Variants in CSMD1 observed in about 807,000 individuals in gnomAD.
CSMD1 encodes CUB and sushi domain-containing protein 1.
In CSMD1, 213 loss-of-function variants were observed where a neutral mutation model predicts 417.5. The ratio of observed to expected loss-of-function variants is 0.51; its 90% CI spans 0.46 to 0.57. The LOEUF (loss-of-function observed/expected upper bound fraction) is 0.57. CSMD1 is among the 20% of genes least tolerant of loss of function. The probability of loss-of-function intolerance (pLI) is 0.00; values close to 1 mark genes in which losing one functional copy is unlikely to be tolerated. For synonymous variants in CSMD1, 2,862 were observed against 1,736.8 expected, an observed-to-expected ratio of 1.65 and a Z score of -16.11; for missense variants, 6,923 against 4,529.7, an observed-to-expected ratio of 1.53 and a Z score of -15.17.
At chr8:3,243,409 C>A (rs1254826382) in intron 26 of CSMD1, among the ~76,000 whole-genome samples, 1 of 148,770 alleles carries the variant, frequency 6.7e-6, no homozygotes, top group Non-Finnish European at 1.5e-5. Flanking sequence ...TGGGCTGAGT[C>A]CGAAAAGAGA....
chr8:3,018,429 C>G (rs765129806), intron 52 of CSMD1, 48 bp downstream of exon 52: 6 of 1,563,670 alleles, frequency 3.8e-6, no homozygotes, highest in Non-Finnish European at 5.3e-6. Flanking sequence ...TAATCTATTT[C>G]TAAGGTTTAT....
intron 3 of CSMD1, among the ~76,000 whole-genome samples, chr8:4,312,370 G>T (rs966848902): frequency 3.9e-5 from 4 of 101,560 alleles, no homozygotes; most frequent in African/African-American, 2.0e-4. Context: ...TACTTTTAAT[G>T]GAACAAATAT....
At chr8:3,981,258 T>A (rs1813838548) in intron 5 of CSMD1, among the ~76,000 whole-genome samples, 1 of 151,980 alleles carries the variant, frequency 6.6e-6, no homozygotes, top group Admixed American at 6.6e-5. Context: ...AAACCAAACA[T>A]CGTATGTACT....
intron 10 of CSMD1, among the ~76,000 whole-genome samples, chr8:3,496,046 G>A (rs1236934673): frequency 1.3e-5 from 2 of 152,094 alleles, no homozygotes; most frequent in Non-Finnish European, 2.9e-5. Context: ...TCTTTTCCCT[G>A]AAGCTTTCCC....
At chr8:3,524,022 C>A (rs1797639667) in intron 10 of CSMD1, among the ~76,000 whole-genome samples, 1 of 121,504 alleles carries the variant, frequency 8.2e-6, no homozygotes, top group African/African-American at 4.0e-5. Context: ...TGCACGTGCA[C>A]ACACACACAC....
intron 2 of CSMD1, among the ~76,000 whole-genome samples, chr8:4,613,825 G>C (rs955017279): frequency 6.8e-6 from 1 of 147,080 alleles, no homozygotes; most frequent in Non-Finnish European, 1.5e-5. Context: ...GTTCAATGAT[G>C]GTGTTATTTT....
In CSMD1 at chr8:4,630,905, G is replaced by A. The variant is rs538757703; in HGVS notation, c.302+6437C>T. Among the ~76,000 whole-genome samples the A allele has an allele frequency of 6.6e-5, 10 of 152,272 alleles. 1 individual carries two copies. The East Asian group carries it at 1.2e-3, about 18-fold the overall frequency. On this transcript the variant is annotated intron_variant, in intron 2 of 69. Coordinates refer to ENST00000635120, the MANE Select transcript of CSMD1 (RefSeq NM_033225.6). ...TCACCCTGTGCTGGTCATATTTGCT[G>A]GTCACTGTCCCAGTCCTGACTGCAC...
chr8:4,441,716 C>T (rs980523432), intron 2 of CSMD1, among the ~76,000 whole-genome samples: 4 of 151,974 alleles, frequency 2.6e-5, no homozygotes, highest in African/African-American at 9.7e-5. Flanking sequence ...GTTTGAGGTA[C>T]AGGAGATAAA....
At chr8:4,398,737 G>A (rs35567863) in intron 3 of CSMD1, among the ~76,000 whole-genome samples, 1 of 152,008 alleles carries the variant, frequency 6.6e-6, no homozygotes, top group South Asian at 2.1e-4. Context: ...AATGCTAACA[G>A]ATTTATCAAT....
At chr8:4,249,554 G>A (rs1036287200) in intron 3 of CSMD1, among the ~76,000 whole-genome samples, 2 of 152,178 alleles carry the variant, frequency 1.3e-5, no homozygotes, top group Non-Finnish European at 2.9e-5. Context: ...GGAGACCTGA[G>A]GAGCGGATCT....
intron 3 of CSMD1, among the ~76,000 whole-genome samples, chr8:4,367,100 T>G (rs560774966): frequency 1.3e-5 from 2 of 152,226 alleles, no homozygotes; most frequent in Non-Finnish European, 2.9e-5. Flanking sequence ...TTTAGAGACT[T>G]ATTCATAAAT....
At position 3,096,982 on chromosome 8, in the gene CSMD1, T is replaced by A. The variant is rs749185997; in HGVS notation, c.7005A>T (p.Pro2335=). Residue 2335 remains proline, a synonymous_variant, in exon 47 of 70, where the codon CCA becomes CCT. Transcript: ENST00000635120. The stretch of plus-strand genomic sequence containing the variant: ...AGTTAAAATAATTACCCGGATACCC[T>A]GGACTGAGAATGACTCCCGATGATC... ...RTGSSGVILS[P]GYPGNYFNSQ... The A allele has an allele frequency of 6.4e-7, 1 of 1,555,868 alleles. No individual in the cohort carries two copies. The highest frequency in any genetic ancestry group is 1.4e-5 in the African/African-American group (1 of 73,384).
intron 2 of CSMD1, among the ~76,000 whole-genome samples, chr8:4,555,205 T>A (rs765383211): frequency 2.6e-5 from 4 of 152,106 alleles, no homozygotes; most frequent in Non-Finnish European, 5.9e-5. Flanking sequence ...GGAATAAGAA[T>A]GAATGCAGGA....
intron 10 of CSMD1, among the ~76,000 whole-genome samples, chr8:3,516,131 A>T (rs565106734): frequency 5.1e-4 from 77 of 152,326 alleles, no homozygotes; most frequent in African/African-American, 1.8e-3. Flanking sequence ...GAGGAACAGA[A>T]TGTAAATCTA....
rs148952700 is a variant in CSMD1 at position 4,411,962 on chromosome 8, T to A, written c.415+7991A>T. Among the ~76,000 whole-genome samples, 327 of 150,888 alleles carry A rather than the reference T, an allele frequency of 2.2e-3. 1 individual carries two copies. Among genetic ancestry groups the A allele is most frequent in the Middle Eastern group, 0.01 (3 of 294 alleles). ...TAGTACTAGAACTTACGATTTTTGA[T>A]GAAAAGTACACAGCAACATAGCTAA... On this transcript the variant is annotated intron_variant, in intron 3 of 69. Coordinates refer to ENST00000635120, the MANE Select transcript of CSMD1 (RefSeq NM_033225.6).
chr8:3,129,287 A>G (rs1025921111), intron 41 of CSMD1, among the ~76,000 whole-genome samples: 42 of 152,312 alleles, frequency 2.8e-4, no homozygotes, highest in African/African-American at 9.6e-4. Flanking sequence ...GTAAATATTA[A>G]ATATTTTGTG....
chr8:3,477,610 A>G (rs1291366236), intron 11 of CSMD1, among the ~76,000 whole-genome samples: 1 of 152,168 alleles, frequency 6.6e-6, no homozygotes, highest in Non-Finnish European at 1.5e-5. Context: ...ATGTGTTGAT[A>G]AATATCTCTG....
intron 4 of CSMD1, among the ~76,000 whole-genome samples, chr8:4,017,646 GA>G (rs1283378351): frequency 6.6e-6 from 1 of 151,734 alleles, no homozygotes; most frequent in East Asian, 1.9e-4. Flanking sequence ...GAAAATATTA[GA>G]GAGTTCTAAT....
chr8:4,674,083 G>A (rs1455180915), intron 1 of CSMD1, among the ~76,000 whole-genome samples: 3 of 152,144 alleles, frequency 2.0e-5, no homozygotes, highest in Non-Finnish European at 1.5e-5. Context: ...TCACTTATAT[G>A]CATTATTCTC....
Sources: allele counts gnomAD v4.1 joint callset (sites outside exome capture counted in the v4.1 genomes callset), GRCh38; gene constraint gnomAD v4.1.1; transcripts MANE v1.5; gene names NCBI Gene and HGNC (gene_info 2026-07-23, HGNC 2026-07-21).